Variants in ZNF138 observed in about 807,000 individuals in gnomAD.
ZNF138 encodes zinc finger protein 138 (clone pHZ-32).
ZNF138 carries 33 observed loss-of-function variants against 33.0 expected under a neutral mutation model. The ratio of observed to expected loss-of-function variants is 1.00; its 90% CI spans 0.76 to 1.34. The LOEUF (loss-of-function observed/expected upper bound fraction) is 1.34. Among genes scored for constraint, ZNF138 ranks in the 40% most tolerant of loss-of-function variants. The pLI is 0.00. For synonymous variants in ZNF138, 139 were observed against 120.4 expected, an observed-to-expected ratio of 1.15 and a Z score of -1.01; for missense variants, 360 against 370.8, an observed-to-expected ratio of 0.97 and a Z score of 0.24.
At chr7:64,829,489 C>T (rs1245948194) in intron 3 of ZNF138, among the ~76,000 whole-genome samples, 3 of 13,542 alleles carry the variant, frequency 2.2e-4, no homozygotes, top group Admixed American at 7.7e-4. Flanking sequence ...ATCTCTTTGG[C>T]GTTTTGACTT....
chr7:64,815,713 C>A, intron 3 of ZNF138, 60 bp downstream of exon 3: 1 of 1,397,364 alleles, frequency 7.2e-7, no homozygotes, highest in Non-Finnish European at 9.9e-7. Flanking sequence ...AGGAGAAGAC[C>A]ACTCCTTTAA....
At chr7:64,811,145 A>G (rs1788147307) in intron 1 of ZNF138, among the ~76,000 whole-genome samples, 2 of 152,164 alleles carry the variant, frequency 1.3e-5, no homozygotes, top group South Asian at 4.1e-4. Flanking sequence ...AAAATCAGTG[A>G]CAGAGAAACA....
intron 1 of ZNF138, among the ~76,000 whole-genome samples, chr7:64,805,412 A>AAAACAAC (rs763227725): frequency 1.8e-3 from 6 of 3,340 alleles, no homozygotes; most frequent in South Asian, 0.083. Context: ...AAAACAAAAC[A>AAAACAAC]AAAAAAAAAA....
intron 3 of ZNF138, among the ~76,000 whole-genome samples, chr7:64,827,773 A>G (rs921343729): frequency 1.3e-5 from 2 of 152,070 alleles, no homozygotes; most frequent in Non-Finnish European, 2.9e-5. Flanking sequence ...GATGGTGTCT[A>G]GTAAGTTTTA....
At chr7:64,815,371 T>C (rs1788531535) in intron 2 of ZNF138, among the ~76,000 whole-genome samples, 1 of 152,176 alleles carries the variant, frequency 6.6e-6, no homozygotes, top group African/African-American at 2.4e-5. Context: ...TAGTACTGGG[T>C]AGTGAAATTA....
intron 1 of ZNF138, among the ~76,000 whole-genome samples, chr7:64,807,360 A>G (rs139669333): frequency 1.2e-4 from 19 of 152,288 alleles, no homozygotes; most frequent in Admixed American, 2.6e-4. Context: ...ATCCACTTAT[A>G]ACTGCTGCTA....
chr7:64,821,317 G>C (rs1009679943), intron 3 of ZNF138, among the ~76,000 whole-genome samples: 1 of 151,028 alleles, frequency 6.6e-6, no homozygotes, highest in Non-Finnish European at 1.5e-5. Context: ...TCTTGATCTC[G>C]TGACATTGTG....
intron 2 of ZNF138, 31 bp downstream of exon 2, chr7:64,815,075 T>C (rs1237312913): frequency 6.5e-7 from 1 of 1,544,148 alleles, no homozygotes; most frequent in African/African-American, 1.4e-5. Context: ...CATTTCCTAA[T>C]ATATCCTAAA....
At chr7:64,797,092 G>A (rs1231620423) in intron 1 of ZNF138, among the ~76,000 whole-genome samples, 1 of 152,112 alleles carries the variant, frequency 6.6e-6, no homozygotes, top group East Asian at 1.9e-4. Flanking sequence ...TCCACAAGAA[G>A]ATGTGGTAGA....
the ZNF138 span, among the ~76,000 whole-genome samples, chr7:64,840,323 A>T: frequency 2.4e-3 from 373 of 152,330 alleles, 3 homozygotes; most frequent in African/African-American, 8.5e-3. Flanking sequence ...ATTTGATAAC[A>T]TAATGGACTA....
In ZNF138 at chr7:64,821,352, G is replaced by A. The variant is rs1253884535; in HGVS notation, c.208+5699G>A. ...GATCCACCCACCTCAGCCTCCCAAA[G>A]TGCTGGGATTATAGGTGTGAGCCAC... On this transcript the variant is annotated intron_variant, in intron 3 of 3. Coordinates refer to ENST00000307355, the MANE Select transcript of ZNF138 (RefSeq NM_001271639.2). Among the ~76,000 whole-genome samples, 6 of 151,250 alleles carry A rather than the reference G, an allele frequency of 4.0e-5. 1 individual carries two copies. Among genetic ancestry groups the A allele is most frequent in the African/African-American group, 7.4e-5 (3 of 40,674 alleles).
At chr7:64,844,508 T>C in the ZNF138 span, among the ~76,000 whole-genome samples, 24 of 152,224 alleles carry the variant, frequency 1.6e-4, no homozygotes, top group Middle Eastern at 6.8e-3. Flanking sequence ...CTATGTGAGA[T>C]TGGCACTGTC....
At chr7:64,808,386 G>A (rs1787785158) in intron 1 of ZNF138, among the ~76,000 whole-genome samples, 1 of 152,154 alleles carries the variant, frequency 6.6e-6, no homozygotes, top group Admixed American at 6.5e-5. Flanking sequence ...AAGCAGTCAT[G>A]ATCCCTACCA....
At chr7:64,851,097 GTGAGACACT>G in the ZNF138 span, among the ~76,000 whole-genome samples, 1 of 151,960 alleles carries the variant, frequency 6.6e-6, no homozygotes, top group African/African-American at 2.4e-5. Flanking sequence ...TTTTTTTGTG[GTGAGACACT>G]TGAAATTTAC....
chr7:64,834,299 A>T (rs149980461), downstream of ZNF138, among the ~76,000 whole-genome samples: 581 of 151,806 alleles, frequency 3.8e-3, 5 homozygotes, highest in African/African-American at 0.013. Context: ...CAGTAAATAT[A>T]AAAAAAATCA....
At chr7:64,802,555 C>G (rs1023689557) in intron 1 of ZNF138, among the ~76,000 whole-genome samples, 2 of 151,538 alleles carry the variant, frequency 1.3e-5, no homozygotes, top group African/African-American at 4.9e-5. Flanking sequence ...TAATGTTACG[C>G]CAGAGTCAGA....
intron 1 of ZNF138, among the ~76,000 whole-genome samples, chr7:64,796,031 C>T (rs903007676): frequency 6.6e-6 from 1 of 152,146 alleles, no homozygotes; most frequent in African/African-American, 2.4e-5. Flanking sequence ...AAAAGCAAAC[C>T]CTTTGAGAAG....
chr7:64,794,674 A>T, intron 1 of ZNF138, 103 bp downstream of exon 1: 1 of 1,553,800 alleles, frequency 6.4e-7, no homozygotes, highest in Non-Finnish European at 8.8e-7. Flanking sequence ...AGTCGGCTGC[A>T]AAATCCGCGG....
chr7:64,852,540 A>G, the ZNF138 span: 5 of 1,570,558 alleles, frequency 3.2e-6, no homozygotes, highest in Non-Finnish European at 4.4e-6. Flanking sequence ...TCTTCACCAT[A>G]TTTGGGGGAC....
Sources: allele counts gnomAD v4.1 joint callset (sites outside exome capture counted in the v4.1 genomes callset), GRCh38; gene constraint gnomAD v4.1.1; transcripts MANE v1.5; gene names NCBI Gene and HGNC (gene_info 2026-07-23, HGNC 2026-07-21).